CPA6: variants seen among roughly 807,000 people sequenced by gnomAD.
CPA6 encodes carboxypeptidase A6.
CPA6 carries 58 observed loss-of-function variants against 63.3 expected under a neutral mutation model. The ratio of observed to expected loss-of-function variants is 0.92; its 90% confidence interval spans 0.74 to 1.14. CPA6 has a LOEUF of 1.14. Ranked by LOEUF, CPA6 falls within the 50% of genes most tolerant of loss-of-function variation. The pLI is 0.00. For synonymous variants in CPA6, 185 were observed against 179.0 expected (o/e 1.03, Z -0.27); for missense variants, 565 against 526.6 (o/e 1.07, Z -0.71).
At chr8:67,593,647 C>A (rs1177365480) in intron 2 of CPA6, among the ~76,000 whole-genome samples, 1 of 152,078 alleles carries the variant, frequency 6.6e-6, no homozygotes, top group Non-Finnish European at 1.5e-5. Context: ...TAATGGCCTT[C>A]TTTGTCTCTT....
At chr8:67,574,334 C>CCA (rs374519430) in intron 2 of CPA6, among the ~76,000 whole-genome samples, 128 of 150,660 alleles carry the variant, frequency 8.5e-4, no homozygotes, top group African/African-American at 2.9e-3. Flanking sequence ...TGAGATCATG[C>CCA]CACTGCACTC....
chr8:67,527,360 ATTC>A (rs1812385419), intron 2 of CPA6, among the ~76,000 whole-genome samples: 1 of 152,212 alleles, frequency 6.6e-6, no homozygotes, highest in African/African-American at 2.4e-5. Flanking sequence ...CGGCTTAAGA[ATTC>A]TTCTGTGTAT....
intron 2 of CPA6, among the ~76,000 whole-genome samples, chr8:67,536,606 T>C (rs187578200): frequency 6.6e-6 from 1 of 152,300 alleles, no homozygotes; most frequent in African/African-American, 2.4e-5. Context: ...GCTGAGACGA[T>C]GGGATTTTCT....
chr8:67,448,654 AG>A (rs1810485287), intron 8 of CPA6, among the ~76,000 whole-genome samples: 1 of 126,878 alleles, frequency 7.9e-6, no homozygotes, highest in African/African-American at 3.5e-5. Flanking sequence ...AAAAAAAAAA[AG>A]GAAAGAACGA....
chr8:67,491,080 C>T (rs895330400), intron 6 of CPA6, among the ~76,000 whole-genome samples: 12 of 152,034 alleles, frequency 7.9e-5, no homozygotes, highest in Admixed American at 6.6e-4. Context: ...AAGCTGAAGA[C>T]CAGCCTCAAC....
At chr8:67,667,626 G>C (rs1249403515) in intron 1 of CPA6, among the ~76,000 whole-genome samples, 1 of 152,140 alleles carries the variant, frequency 6.6e-6, no homozygotes, top group Non-Finnish European at 1.5e-5. Context: ...TGACATCTGA[G>C]GGGGGACCTC....
At chr8:67,697,721 G>A (rs913308893) in intron 1 of CPA6, among the ~76,000 whole-genome samples, 1 of 151,926 alleles carries the variant, frequency 6.6e-6, no homozygotes, top group African/African-American at 2.4e-5. Flanking sequence ...GCAAGCATTA[G>A]AGTTACCTGG....
chr8:67,541,842 G>T (rs1041302310), intron 2 of CPA6, among the ~76,000 whole-genome samples: 3 of 152,148 alleles, frequency 2.0e-5, no homozygotes. Context: ...TGTCTAACCA[G>T]TCCCAATGAG....
intron 6 of CPA6, 46 bp from the exon 7 acceptor site, chr8:67,484,835 G>C: frequency 9.8e-7 from 1 of 1,023,120 alleles, no homozygotes; most frequent in South Asian, 1.4e-5. Context: ...GTCCCCAAAA[G>C]AGGAAAAAAG....
intron 8 of CPA6, among the ~76,000 whole-genome samples, chr8:67,479,790 T>C (rs1487972053): frequency 1.3e-5 from 2 of 152,188 alleles, no homozygotes; most frequent in African/African-American, 4.8e-5. Context: ...TCAGCTAGTA[T>C]AGCTCTCTCC....
At chr8:67,552,018 T>G (rs941346849) in intron 2 of CPA6, among the ~76,000 whole-genome samples, 5 of 152,194 alleles carry the variant, frequency 3.3e-5, no homozygotes, top group African/African-American at 1.2e-4. Flanking sequence ...AAAATCAGAC[T>G]TTTTCTCCTT....
chr8:67,709,969 T>C (rs559019367), intron 1 of CPA6, among the ~76,000 whole-genome samples: 1 of 152,054 alleles, frequency 6.6e-6, no homozygotes, highest in South Asian at 2.1e-4. Context: ...AAACATTAGC[T>C]GGGCATGGTG....
At chr8:67,733,271 T>C (rs1034162874) in intron 1 of CPA6, among the ~76,000 whole-genome samples, 3 of 142,752 alleles carry the variant, frequency 2.1e-5, no homozygotes, top group African/African-American at 7.9e-5. Flanking sequence ...TAAGCCCGAC[T>C]GCTGGGCCCC....
chr8:67,468,629 T>TAAAATAAAATAAAATAAA (rs1563964463), intron 8 of CPA6, among the ~76,000 whole-genome samples: 3 of 120,486 alleles, frequency 2.5e-5, no homozygotes, highest in African/African-American at 1.0e-4. Flanking sequence ...AATAAAATAA[T>TAAAATAAAATAAAATAAA]AATAATAAGA....
At position 67,441,671 on chromosome 8, in the gene CPA6, G is replaced by A. The variant is rs374882398; in HGVS notation, c.839-7431C>T. Among the ~76,000 whole-genome samples, 28 of 152,212 alleles carry A rather than the reference G, an allele frequency of 1.8e-4. No homozygotes were observed. In the South Asian group the frequency reaches 3.7e-3, roughly 20 times the overall value. ...GAACAGAATCACCAAGAAAATTATT[G>A]TTTAGTAAATGATGTTGAGAAACTA... On this transcript the variant is annotated intron_variant, in intron 8 of 10. Transcript: ENST00000297770.
intron 8 of CPA6, among the ~76,000 whole-genome samples, chr8:67,434,826 A>G (rs1302332356): frequency 6.6e-6 from 1 of 152,212 alleles, no homozygotes; most frequent in African/African-American, 2.4e-5. Flanking sequence ...GACCGCTGAC[A>G]AAGGAGCCTC....
intron 2 of CPA6, among the ~76,000 whole-genome samples, chr8:67,532,939 G>A (rs562486028): frequency 5.9e-5 from 9 of 152,272 alleles, no homozygotes; most frequent in South Asian, 2.1e-4. Context: ...TACAATAAAC[G>A]TCGTGGGTGT....
chr8:67,439,115 T>C (rs1810230011), intron 8 of CPA6, among the ~76,000 whole-genome samples: 1 of 151,826 alleles, frequency 6.6e-6, no homozygotes, highest in Non-Finnish European at 1.5e-5. Context: ...GCCAACATAG[T>C]GAGATCCCAT....
chr8:67,651,244 A>G (rs2128991409), intron 1 of CPA6, among the ~76,000 whole-genome samples: 1 of 152,266 alleles, frequency 6.6e-6, no homozygotes, highest in East Asian at 1.9e-4. Flanking sequence ...TATGTGTTGT[A>G]GGACTTTTTA....
Sources: gnomAD v4.1 joint callset for allele counts (sites outside exome capture counted in the v4.1 genomes callset) on GRCh38, gnomAD v4.1.1 for gene constraint, MANE v1.5 for transcripts, NCBI Gene and HGNC (gene_info 2026-07-23, HGNC 2026-07-21) for gene names.